NUDT21: variants seen among roughly 807,000 people sequenced by gnomAD.
NUDT21 encodes cleavage and polyadenylation specificity factor subunit 5.
Under a neutral mutation model 29.8 loss-of-function variants are expected in NUDT21, and 5 were observed. The observed-to-expected ratio is 0.17, with a 90% CI of 0.09 to 0.35. The LOEUF (loss-of-function observed/expected upper bound fraction) is 0.35, where lower values mean the gene tolerates loss of function less well. Among genes scored for constraint, NUDT21 ranks in the 10% least tolerant of loss-of-function variants. NUDT21 has a pLI of 1.00. For synonymous variants in NUDT21, 113 were observed against 98.5 expected (o/e 1.15, Z -0.87); for missense variants, 76 against 276.0 (o/e 0.28, Z 5.13).
Position 56,438,442 on chromosome 16 carries a change from G to A in NUDT21, c.471+1215C>T, listed in dbSNP as rs939065251. 5.9e-5 allele frequency among the ~76,000 whole-genome samples: 9 copies of A among 152,148 alleles called. No homozygotes were observed. The East Asian group carries it at 1.3e-3, about 23-fold the overall frequency. On this transcript the variant is annotated intron_variant, in intron 4 of 6. Coordinates refer to ENST00000300291, the MANE Select transcript of NUDT21 (RefSeq NM_007006.3). ...CTAAGAAGTTTGCTAACACACACAC[G>A]TGTAAGCTCGGGATCAGATACTTTA...
At position 56,434,338 on chromosome 16, in the gene NUDT21, A is replaced by G; in HGVS notation, c.655T>C (p.Leu219=). The G allele has an allele frequency of 6.2e-7, 1 of 1,604,708 alleles. No individual in the cohort carries two copies. The highest frequency in any genetic ancestry group is 8.5e-7 in the Non-Finnish European group (1 of 1,171,666). The change falls in exon 6 of 7, where the codon TTG becomes CTG. Residue 219 remains leucine (L), a synonymous_variant. Transcript: ENST00000300291. ...ATGTTCAACTTTCTGTACCTGCTCA[A>G]CAGCTGAGGGAGACTAGAAATGATG... ...GPIISSLPQL[L]SRFNFIYN
intron 4 of NUDT21, among the ~76,000 whole-genome samples, chr16:56,438,597 T>G (rs1962128529): frequency 6.6e-6 from 1 of 152,184 alleles, no homozygotes; most frequent in South Asian, 2.1e-4. Context: ...GGTAATTTGT[T>G]ATGCAGGTAT....
intron 1 of NUDT21, among the ~76,000 whole-genome samples, chr16:56,450,076 AT>A (rs1962268419): frequency 6.6e-6 from 1 of 152,174 alleles, no homozygotes; most frequent in African/African-American, 2.4e-5. Flanking sequence ...ATGTCCGTTT[AT>A]TTTAATATGA....
chr16:56,445,115 C>A (rs1291583705), intron 3 of NUDT21, among the ~76,000 whole-genome samples: 4 of 151,770 alleles, frequency 2.6e-5, no homozygotes, highest in African/African-American at 9.7e-5. Context: ...ACCCGGGAGG[C>A]GGAGGTGACA....
rs572664493 is a variant in NUDT21, at chr16:56,440,112, C to T, written c.382-366G>A. ...AACTGCAGTTCTCTGTCCTGCTTCA[C>T]CCATTCCCACTGGCTGTAACTTTCA... On this transcript the variant is annotated intron_variant, in intron 3 of 6. Transcript: ENST00000300291. Among the ~76,000 whole-genome samples, 5 of 152,354 alleles carry T rather than the reference C, an allele frequency of 3.3e-5. No individual in the cohort carries two copies. In the East Asian group the frequency reaches 9.6e-4, roughly 29 times the overall value.
chr16:56,439,433 C>T, intron 4 of NUDT21: 2 of 472,784 alleles, frequency 4.2e-6, no homozygotes, highest in Non-Finnish European at 7.7e-6. Flanking sequence ...GCCTCGGCCT[C>T]CTGAAGTGCT....
Position 56,448,240 on chromosome 16 carries a change from C to T in NUDT21, c.117-251G>A, listed in dbSNP as rs541460276. Among the ~76,000 whole-genome samples the T allele has an allele frequency of 1.2e-4, 18 of 152,250 alleles. No individual in the cohort carries two copies. The East Asian group carries it at 3.5e-3, about 29-fold the overall frequency. On this transcript the variant is annotated intron_variant, in intron 1 of 6. Coordinates refer to ENST00000300291, the MANE Select transcript of NUDT21 (RefSeq NM_007006.3). ...ACTTTCAAGTGTAGATAACACTATC[C>T]TTAAATGCTTAGAGAAATGGTTATC...
At chr16:56,433,802 TCAGCCTCC>T (rs1205450096) in intron 6 of NUDT21, among the ~76,000 whole-genome samples, 1 of 152,144 alleles carries the variant, frequency 6.6e-6, no homozygotes, top group Non-Finnish European at 1.5e-5. Context: ...ATTCTCTGCC[TCAGCCTCC>T]CAAGTAGCTG....
At chr16:56,440,473 C>A (rs1276511295) in intron 3 of NUDT21, among the ~76,000 whole-genome samples, 2 of 152,188 alleles carry the variant, frequency 1.3e-5, no homozygotes, top group African/African-American at 4.8e-5. Flanking sequence ...ATCTTCATTT[C>A]TTCCGAGGTT....
At chr16:56,435,773 ATATATATATATG>A (rs1225352591) in intron 4 of NUDT21, among the ~76,000 whole-genome samples, 2 of 104,264 alleles carry the variant, frequency 1.9e-5, no homozygotes, top group Non-Finnish European at 3.9e-5. Context: ...ATATATATAT[ATATATATATATG>A]ATCAGTAAGT....
rs1962035034 is a variant in NUDT21, at chr16:56,431,648, TTAAA to T, written c.*1060_*1063del. On this transcript the variant is annotated 3_prime_UTR_variant, in exon 7 of 7. Coordinates refer to ENST00000300291, the MANE Select transcript of NUDT21 (RefSeq NM_007006.3). ...AGGCATACATGCTATACTTTGATCA[TTAAA>T]TAATGACACAACCAGCAAACTCCTT... is the stretch of plus-strand genomic sequence containing the variant. 6.6e-6 allele frequency: 1 copy of T among 152,188 alleles called. No homozygotes were observed. Among genetic ancestry groups the T allele is most frequent in the East Asian group, 1.9e-4 (1 of 5,200 alleles). 9.4% of individuals were successfully genotyped at this position (152,188 alleles called of 1,614,324 possible). A position where few individuals can be genotyped will look rare whatever the true frequency, so the allele number is the denominator to read the frequency against.
chr16:56,434,542 AG>A (rs1209928852), intron 5 of NUDT21, 97 bp from the exon 6 acceptor site: 1 of 838,730 alleles, frequency 1.2e-6, no homozygotes, highest in Non-Finnish European at 1.9e-6. Context: ...AAAAAGTGTA[AG>A]AAAAAAGATA....
At position 56,441,588 on chromosome 16, in the gene NUDT21, T is replaced by C. The variant is rs567018749; in HGVS notation, c.382-1842A>G. 9.2e-5 allele frequency among the ~76,000 whole-genome samples: 14 copies of C among 152,356 alleles called. 1 individual carries two copies. The highest frequency in any genetic ancestry group is 3.9e-4 in the Admixed American group (6 of 15,304). On this transcript the variant is annotated intron_variant, in intron 3 of 6. Coordinates refer to ENST00000300291, the MANE Select transcript of NUDT21 (RefSeq NM_007006.3). ...AAAGCCTATAACCCTCTACTATGAA[T>C]GAGAATTTAGATATTAAAATCACAC...
chr16:56,446,593 G>A (rs549934175), intron 3 of NUDT21, 33 bp downstream of exon 3: 1 of 1,260,780 alleles, frequency 7.9e-7, no homozygotes, highest in African/African-American at 1.5e-5. Context: ...CTAGTAAGTT[G>A]ATGGTATTCA....
rs1962306104 is a variant in NUDT21 at position 56,451,072 on chromosome 16, C to T, written c.116+15G>A. 4 of 1,607,270 alleles carry T rather than the reference C, an allele frequency of 2.5e-6. No individual in the cohort carries two copies. In the African/African-American group the frequency reaches 5.3e-5, roughly 21 times the overall value. On this transcript the variant is annotated intron_variant, in intron 1 of 6. Coordinates refer to ENST00000300291, the MANE Select transcript of NUDT21 (RefSeq NM_007006.3). The stretch of plus-strand genomic sequence containing the variant: ...TTCACGAGAGAAATGCCCGCCAAGG[C>T]CGCGCCGCACTTACAGGTTGATGGT...
intron 3 of NUDT21, among the ~76,000 whole-genome samples, chr16:56,440,681 T>C (rs1248911017): frequency 6.6e-6 from 1 of 152,202 alleles, no homozygotes; most frequent in Non-Finnish European, 1.5e-5. Flanking sequence ...ATATGGCTTA[T>C]CACTAATGGG....
intron 6 of NUDT21, among the ~76,000 whole-genome samples, chr16:56,433,008 A>G (rs1461398157): frequency 1.3e-5 from 2 of 152,230 alleles, no homozygotes; most frequent in African/African-American, 4.8e-5. Context: ...AAGTTCTTTA[A>G]GGCAGGAAAA....
chr16:56,445,055 G>C (rs1425508755), intron 3 of NUDT21, among the ~76,000 whole-genome samples: 2 of 152,138 alleles, frequency 1.3e-5, no homozygotes, highest in Non-Finnish European at 2.9e-5. Context: ...GTGGAGGCAG[G>C]CACCTTTAAT....
At chr16:56,450,570 T>C (rs1234006763) in intron 1 of NUDT21, among the ~76,000 whole-genome samples, 1 of 152,138 alleles carries the variant, frequency 6.6e-6, no homozygotes, top group African/African-American at 2.4e-5. Flanking sequence ...ATAAAATGTG[T>C]TGTATTCAAA....
Sources: allele counts gnomAD v4.1 joint callset (sites outside exome capture counted in the v4.1 genomes callset), GRCh38; gene constraint gnomAD v4.1.1; transcripts MANE v1.5; gene names NCBI Gene and HGNC (gene_info 2026-07-23, HGNC 2026-07-21).